The following MARCHF3 variants were observed in gnomAD, a reference collection of about 807,000 sequenced individuals.
MARCHF3 encodes the protein membrane associated ring-CH-type finger 3.
A neutral mutation model predicts 24.2 loss-of-function variants in MARCHF3; 13 were observed. The observed-to-expected ratio is 0.54, with a 90% CI of 0.35 to 0.85. The LOEUF (loss-of-function observed/expected upper bound fraction) is 0.85, where lower values mean the gene tolerates loss of function less well. Ranked by LOEUF, MARCHF3 falls within the 40% of genes least tolerant of loss-of-function variation. The pLI is 0.01. For synonymous variants in MARCHF3, 144 were observed against 137.3 expected (o/e 1.05, Z -0.34); for missense variants, 276 against 325.0 (o/e 0.85, Z 1.16).
At chr5:127,029,496 AC>A (rs1353756673) in intron 1 of MARCHF3, among the ~76,000 whole-genome samples, 2 of 152,096 alleles carry the variant, frequency 1.3e-5, no homozygotes, top group Non-Finnish European at 2.9e-5. Context: ...TTACCCCCTT[AC>A]CATTAAGGGG....
At chr5:126,989,640 T>C (rs1466046584) in intron 1 of MARCHF3, among the ~76,000 whole-genome samples, 1 of 152,182 alleles carries the variant, frequency 6.6e-6, no homozygotes, top group Non-Finnish European at 1.5e-5. Context: ...GTGAGATTTG[T>C]AGAGTGTTCA....
At position 126,903,903 on chromosome 5, in the gene MARCHF3, G is replaced by A. The variant is rs534171577; in HGVS notation, c.393+11027C>T. On this transcript the variant is annotated intron_variant, in intron 3 of 4. Coordinates refer to ENST00000308660, the MANE Select transcript of MARCHF3 (RefSeq NM_178450.5). ...ATGTATACATGTGCCATGCTGGTGC[G>A]CCGCACCTACTAACTCGTCATCTAG... Among the ~76,000 whole-genome samples, 14 of 151,552 alleles carry A rather than the reference G, an allele frequency of 9.2e-5. No individual in the cohort carries two copies. In the South Asian group the frequency reaches 2.9e-3, roughly 32 times the overall value.
intron 3 of MARCHF3, among the ~76,000 whole-genome samples, 166 bp from the exon 4 acceptor site, chr5:126,878,560 C>T (rs1753246828): frequency 1.3e-5 from 2 of 152,122 alleles, no homozygotes; most frequent in Admixed American, 6.5e-5. Context: ...TTCCCATGCT[C>T]CACCCCCTGA....
intron 1 of MARCHF3, among the ~76,000 whole-genome samples, chr5:126,938,132 T>G (rs1005393870): frequency 6.6e-6 from 1 of 151,398 alleles, no homozygotes; most frequent in African/African-American, 2.4e-5. Context: ...TAGGGGAGAA[T>G]AGAACATAAT....
chr5:127,017,159 T>C (rs1752661178), intron 1 of MARCHF3, among the ~76,000 whole-genome samples: 1 of 152,176 alleles, frequency 6.6e-6, no homozygotes, highest in African/African-American at 2.4e-5. Context: ...AAATACCTAA[T>C]GTAAATGATG....
rs1356927185 is a variant in MARCHF3 at position 126,867,811 on chromosome 5, T to C, written c.*2822A>G. 6.6e-6 allele frequency: 1 copy of C among 152,220 alleles called. No individual in the cohort carries two copies. Among genetic ancestry groups the C allele is most frequent in the Non-Finnish European group, 1.5e-5 (1 of 68,038 alleles). 9.4% of individuals were successfully genotyped at this position (152,220 alleles called of 1,614,324 possible). On this transcript the variant is annotated 3_prime_UTR_variant, in exon 5 of 5. Transcript: ENST00000308660. ...TGAGGAGCTGTAGAATTTGTGTCGA[T>C]GCTCTGTGTCCTCCGTCCTTCCCCA...
At chr5:126,953,314 A>G (rs993633297) in intron 1 of MARCHF3, among the ~76,000 whole-genome samples, 1 of 152,174 alleles carries the variant, frequency 6.6e-6, no homozygotes, top group South Asian at 2.1e-4. Context: ...TAATTCACAC[A>G]TACTGTTTTC....
chr5:126,946,761 G>GGTGTGT (rs58269583), intron 1 of MARCHF3, among the ~76,000 whole-genome samples: 5,880 of 135,990 alleles, frequency 0.043, 190 homozygotes, highest in African/African-American at 0.082. Flanking sequence ...TGTAAGTAGG[G>GGTGTGT]GTGTGTGTGT....
At chr5:126,878,101 G>T in intron 4 of MARCHF3, 84 bp downstream of exon 4, 3 of 1,373,630 alleles carry the variant, frequency 2.2e-6, no homozygotes, top group Non-Finnish European at 3.1e-6. Flanking sequence ...GGTGAGATGT[G>T]TTACAGACAA....
chr5:126,978,108 A>C (rs1403934616), intron 1 of MARCHF3, among the ~76,000 whole-genome samples: 2 of 152,188 alleles, frequency 1.3e-5, no homozygotes, highest in East Asian at 3.8e-4. Context: ...TGAGTATTGT[A>C]TGTTGGGAAT....
rs539906367 is a variant in MARCHF3, at chr5:126,949,577, T to C, written c.-56-31350A>G. Among the ~76,000 whole-genome samples, 4 of 152,302 alleles carry C rather than the reference T, an allele frequency of 2.6e-5. No individual in the cohort carries two copies. The Middle Eastern group carries it at 0.01, about 389-fold the overall frequency. ...CTCTCCCTTCCAGCAACCCTTCATC[T>C]GAGACCCAGCCCTTGACAAAGTGGA... On this transcript the variant is annotated intron_variant, in intron 1 of 4. Transcript: ENST00000308660.
chr5:126,941,448 T>C (rs1225520572), intron 1 of MARCHF3, among the ~76,000 whole-genome samples: 1 of 20,066 alleles, frequency 5.0e-5, no homozygotes, highest in African/African-American at 1.5e-4. Context: ...TGAGGTGTGA[T>C]AAATAGAAAA....
chr5:126,871,983 T>A (rs1205572256), intron 4 of MARCHF3, among the ~76,000 whole-genome samples: 1 of 152,032 alleles, frequency 6.6e-6, no homozygotes, highest in Non-Finnish European at 1.5e-5. Context: ...AGGGCTGGGA[T>A]TACAGGCGTG....
At chr5:126,908,335 T>C (rs1754379173) in intron 3 of MARCHF3, among the ~76,000 whole-genome samples, 1 of 152,142 alleles carries the variant, frequency 6.6e-6, no homozygotes, top group Non-Finnish European at 1.5e-5. Context: ...CTTTGTGGTG[T>C]TCTCTGTATT....
At chr5:126,942,314 C>G (rs1749856303) in intron 1 of MARCHF3, among the ~76,000 whole-genome samples, 1 of 152,302 alleles carries the variant, frequency 6.6e-6, no homozygotes, top group South Asian at 2.1e-4. Flanking sequence ...TCTGTCACAA[C>G]TACTCAACTC....
chr5:126,954,678 CTTTTTTT>C (rs199567453), intron 1 of MARCHF3, among the ~76,000 whole-genome samples: 1 of 130,112 alleles, frequency 7.7e-6, no homozygotes, highest in Admixed American at 7.8e-5. Flanking sequence ...GCCCCAGTTT[CTTTTTTT>C]TTTTTTTTTT....
chr5:127,013,593 T>A (rs1205591407), intron 1 of MARCHF3, among the ~76,000 whole-genome samples: 1 of 152,152 alleles, frequency 6.6e-6, no homozygotes, highest in Non-Finnish European at 1.5e-5. Flanking sequence ...AAGAGGGAAG[T>A]ACGATGCAGA....
At chr5:127,011,095 A>G (rs891787416) in intron 1 of MARCHF3, among the ~76,000 whole-genome samples, 15 of 152,226 alleles carry the variant, frequency 9.9e-5, no homozygotes, top group Non-Finnish European at 2.1e-4. Flanking sequence ...CCTTCATACT[A>G]CTAACTTCCT....
intron 3 of MARCHF3, among the ~76,000 whole-genome samples, chr5:126,902,640 C>T (rs1754147185): frequency 6.6e-6 from 1 of 152,118 alleles, no homozygotes; most frequent in Admixed American, 6.6e-5. Flanking sequence ...CATGTGAACA[C>T]TTCGGTTGGT....
Sources: gnomAD v4.1 joint callset for allele counts (sites outside exome capture counted in the v4.1 genomes callset) on GRCh38, gnomAD v4.1.1 for gene constraint, MANE v1.5 for transcripts, NCBI Gene and HGNC (gene_info 2026-07-23, HGNC 2026-07-21) for gene names.